The following STX18 variants were observed in gnomAD, a reference collection of about 807,000 sequenced individuals.
STX18 encodes syntaxin 18, also known as syntaxin-18.
In STX18, 40 loss-of-function variants were observed where a neutral mutation model predicts 50.1. That is an observed-to-expected ratio of 0.80 (90% CI 0.62 to 1.04). The LOEUF (loss-of-function observed/expected upper bound fraction) is 1.04, where lower values mean the gene tolerates loss of function less well. Ranked by LOEUF, STX18 falls within the 50% of genes least tolerant of loss-of-function variation. The pLI is 0.00. For missense variants in STX18, 410 were observed against 415.8 expected (o/e 0.99, Z 0.12); for synonymous variants, 158 against 151.8 (o/e 1.04, Z -0.30).
chr4:4,485,047 T>C (rs79331404), intron 1 of STX18, among the ~76,000 whole-genome samples: 1,717 of 152,306 alleles, frequency 0.011, 25 homozygotes, highest in African/African-American at 0.039. Flanking sequence ...AGAGTGTGCA[T>C]GCATGCTGCA....
chr4:4,431,981 G>A (rs1314277520), intron 7 of STX18, among the ~76,000 whole-genome samples: 2 of 152,208 alleles, frequency 1.3e-5, no homozygotes, highest in East Asian at 3.8e-4. Flanking sequence ...TGGATTTGGT[G>A]AGCACTTATT....
intron 1 of STX18, among the ~76,000 whole-genome samples, chr4:4,539,120 C>A (rs935692960): frequency 1.3e-5 from 2 of 152,018 alleles, no homozygotes; most frequent in African/African-American, 4.8e-5. Flanking sequence ...ACCTCTACAA[C>A]AATTCAGTGA....
chr4:4,524,466 A>G (rs997132752), intron 1 of STX18, among the ~76,000 whole-genome samples: 1 of 152,240 alleles, frequency 6.6e-6, no homozygotes, highest in Non-Finnish European at 1.5e-5. Context: ...TGGATTGAGG[A>G]TAAGAATATC....
chr4:4,526,036 G>A (rs1040646962), intron 1 of STX18, among the ~76,000 whole-genome samples: 2 of 152,144 alleles, frequency 1.3e-5, no homozygotes, highest in Non-Finnish European at 2.9e-5. Context: ...GGATGATGGG[G>A]GAAGTGTGGG....
At chr4:4,485,457 G>T (rs1728657913) in intron 1 of STX18, among the ~76,000 whole-genome samples, 1 of 152,212 alleles carries the variant, frequency 6.6e-6, no homozygotes, top group Admixed American at 6.5e-5. Context: ...GTTCAAACCA[G>T]CCAGTGCCCC....
chr4:4,457,271 A>G lies in STX18; in HGVS notation c.431-14T>C, dbSNP rs1424873732. 6.2e-7 allele frequency: 1 copy of G among 1,613,230 alleles called. No homozygotes were observed. Among genetic ancestry groups the G allele is most frequent in the African/African-American group, 1.3e-5 (1 of 74,938 alleles). On this transcript the variant is annotated splice_polypyrimidine_tract_variant and intron_variant, in intron 4 of 10. Transcript: ENST00000306200. ...GTTTACATACTCCTGTTGCAGAAGAAAATACCAGAAGAGAGACTGCTTAAA... is the reference window on the plus strand; with the variant it reads ...GTTTACATACTCCTGTTGCAGAAGAGAATACCAGAAGAGAGACTGCTTAAA...
intron 5 of STX18, among the ~76,000 whole-genome samples, chr4:4,453,060 A>C (rs1726851043): frequency 6.6e-6 from 1 of 152,208 alleles, no homozygotes; most frequent in Admixed American, 6.5e-5. Flanking sequence ...TTATGGATGA[A>C]CCAAGAAAGC....
At chr4:4,438,584 A>T in intron 5 of STX18, 75 bp from the exon 6 acceptor site, 1 of 1,226,092 alleles carries the variant, frequency 8.2e-7, no homozygotes, top group South Asian at 1.3e-5. Context: ...AAGGAGTCAC[A>T]TGTGACCCTG....
chr4:4,483,999 C>T (rs1196270531), intron 1 of STX18, among the ~76,000 whole-genome samples: 11 of 152,146 alleles, frequency 7.2e-5, no homozygotes, highest in Admixed American at 3.3e-4. Context: ...GTAGCTGGGA[C>T]TACAGGTGCG....
At chr4:4,437,931 A>G (rs1725874924) in intron 6 of STX18, among the ~76,000 whole-genome samples, 1 of 152,190 alleles carries the variant, frequency 6.6e-6, no homozygotes, top group Non-Finnish European at 1.5e-5. Context: ...GCCCTCTAGT[A>G]TCTGTGGTGA....
At position 4,420,080 on chromosome 4, in the gene STX18, A is replaced by G; in HGVS notation, c.962T>C (p.Val321Ala). 3 of 1,613,558 alleles carry G rather than the reference A, an allele frequency of 1.9e-6. No homozygotes were observed. Among genetic ancestry groups the G allele is most frequent in the Non-Finnish European group, 2.5e-6 (3 of 1,179,770 alleles). ...GAAGAGCAAGGAGAAGGAGCACATC[A>G]CGAGGAAGAAGAGGATCCACACGCG... Reference protein sequence around the residue: ...GFRVWILFFLVMCSFSLLFLD... With the variant: ...GFRVWILFFLAMCSFSLLFLD... The change falls in exon 11 of 11, where the codon GTG (valine) becomes GCG (alanine). Residue 321 changes from valine (V) to alanine (A), a missense_variant. Transcript: ENST00000306200. The surrounding 1 kb of genome is among the most constrained non-coding windows in gnomAD (Gnocchi z 4.3).
chr4:4,422,562 C>CT (rs1469610840), intron 9 of STX18, among the ~76,000 whole-genome samples: 1 of 136,476 alleles, frequency 7.3e-6, no homozygotes, highest in Admixed American at 7.2e-5. Context: ...CAGCAAGACT[C>CT]TGTCTCCAAA....
intron 1 of STX18, among the ~76,000 whole-genome samples, chr4:4,494,660 G>C (rs1417710832): frequency 2.7e-5 from 4 of 149,818 alleles, no homozygotes; most frequent in Non-Finnish European, 5.9e-5. Context: ...ACAATATATT[G>C]AATCACATGC....
intron 1 of STX18, among the ~76,000 whole-genome samples, chr4:4,486,951 A>G (rs577922839): frequency 6.6e-6 from 1 of 152,314 alleles, no homozygotes; most frequent in Non-Finnish European, 1.5e-5. Flanking sequence ...TTAGGGGCAC[A>G]GATGCCTTTG....
At chr4:4,468,969 A>G (rs997289188) in intron 2 of STX18, among the ~76,000 whole-genome samples, 2 of 152,222 alleles carry the variant, frequency 1.3e-5, no homozygotes, top group African/African-American at 4.8e-5. Context: ...GGAACAAACT[A>G]CTGGTATACA....
In STX18 at chr4:4,471,623, A is replaced by G; in HGVS notation, c.236+16T>C. The G allele has an allele frequency of 6.6e-7, 1 of 1,524,484 alleles. No homozygotes were observed. Among genetic ancestry groups the G allele is most frequent in the Non-Finnish European group, 8.8e-7 (1 of 1,136,632 alleles). 94.4% of individuals were successfully genotyped at this position (1,524,484 alleles called of 1,614,324 possible). On this transcript the variant is annotated intron_variant, in intron 2 of 10. Coordinates refer to ENST00000306200, the MANE Select transcript of STX18 (RefSeq NM_016930.4). ...AACACAGTCACCAAAGTCCTGGTAA[A>G]AAAATATGTACTTACCTATAAGCAT...
At chr4:4,448,759 A>T (rs1456842064) in intron 5 of STX18, among the ~76,000 whole-genome samples, 1 of 152,212 alleles carries the variant, frequency 6.6e-6, no homozygotes, top group Admixed American at 6.5e-5. Flanking sequence ...CCTGGCATGA[A>T]GCCTGGCACA....
chr4:4,454,356 A>G (rs1299192994), intron 5 of STX18, among the ~76,000 whole-genome samples: 1 of 152,234 alleles, frequency 6.6e-6, no homozygotes, highest in Non-Finnish European at 1.5e-5. Context: ...AACAATTCCC[A>G]TCTGACTGAT....
chr4:4,512,264 A>G (rs1730039955), intron 1 of STX18, among the ~76,000 whole-genome samples: 1 of 152,040 alleles, frequency 6.6e-6, no homozygotes, highest in Non-Finnish European at 1.5e-5. Flanking sequence ...ACTGGCCACC[A>G]ACAGCTCCCG....
Sources: allele counts gnomAD v4.1 joint callset (sites outside exome capture counted in the v4.1 genomes callset), GRCh38; gene constraint gnomAD v4.1.1; non-coding constraint Gnocchi (gnomAD v3.1); transcripts MANE v1.5; gene names NCBI Gene and HGNC (gene_info 2026-07-23, HGNC 2026-07-21).